Variants in PTPRD observed in about 807,000 individuals in gnomAD.
PTPRD encodes receptor-type tyrosine-protein phosphatase delta.
Under a neutral mutation model 214.5 loss-of-function variants are expected in PTPRD, and 34 were observed. The observed-to-expected ratio is 0.16, with a 90% confidence interval of 0.12 to 0.21. The LOEUF is 0.21. Among genes scored for constraint, PTPRD ranks in the 10% least tolerant of loss-of-function variants. PTPRD has a pLI of 1.00. For missense variants in PTPRD, 2,545 were observed against 2,398.7 expected, an observed-to-expected ratio of 1.06 and a Z score of -1.27; for synonymous variants, 1,128 against 845.7, an observed-to-expected ratio of 1.33 and a Z score of -5.79.
intron 14 of PTPRD, among the ~76,000 whole-genome samples, chr9:8,599,289 T>A (rs2094665547): frequency 6.6e-6 from 1 of 152,126 alleles, no homozygotes; most frequent in Admixed American, 6.5e-5. Context: ...CTCAGGTATG[T>A]CTTTATTAGC....
intron 9 of PTPRD, among the ~76,000 whole-genome samples, chr9:9,215,777 T>C (rs1379177057): frequency 6.6e-6 from 1 of 152,188 alleles, no homozygotes; most frequent in African/African-American, 2.4e-5. Flanking sequence ...TGATTCACTG[T>C]AGAATGATTC....
At chr9:9,898,261 T>C (rs1425465558) in intron 5 of PTPRD, among the ~76,000 whole-genome samples, 2 of 152,068 alleles carry the variant, frequency 1.3e-5, no homozygotes, top group Non-Finnish European at 2.9e-5. Context: ...ATGAAAAAAG[T>C]AACCATTTCA....
chr9:8,327,530 CTGTAGATG>C (rs1345502831), intron 44 of PTPRD, among the ~76,000 whole-genome samples: 3 of 152,234 alleles, frequency 2.0e-5, no homozygotes, highest in Middle Eastern at 6.8e-3. Flanking sequence ...GTGGAGAGTT[CTGTAGATG>C]TGTATTATTA....
chr9:10,530,388 C>A (rs376308198), intron 2 of PTPRD, among the ~76,000 whole-genome samples: 10 of 152,130 alleles, frequency 6.6e-5, no homozygotes, highest in African/African-American at 1.4e-4. Flanking sequence ...AAAGTTTAAA[C>A]CCCATGCAAA....
In PTPRD at chr9:9,205,600, A is replaced by C. The variant is rs534105757; in HGVS notation, c.-202-22237T>G. On this transcript the variant is annotated intron_variant, in intron 9 of 45. Transcript: ENST00000381196. ...TGCATTATCTAAAATGACATTGAGC[A>C]AAGTTTTCTTAGCACTAAGCATACA... Among the ~76,000 whole-genome samples the C allele has an allele frequency of 6.6e-5, 10 of 152,356 alleles. No homozygotes were observed. In the South Asian group the frequency reaches 2.1e-3, roughly 32 times the overall value.
At chr9:8,964,648 T>C (rs1382781539) in intron 11 of PTPRD, among the ~76,000 whole-genome samples, 1 of 152,052 alleles carries the variant, frequency 6.6e-6, no homozygotes, top group Non-Finnish European at 1.5e-5. Flanking sequence ...TGATGCTGAA[T>C]CATTAATTTG....
intron 7 of PTPRD, among the ~76,000 whole-genome samples, chr9:9,580,984 C>T (rs1044071631): frequency 1.3e-5 from 2 of 151,944 alleles, no homozygotes; most frequent in African/African-American, 4.8e-5. Flanking sequence ...GTTGTGTGTT[C>T]CCTGTGTTGA....
At chr9:8,637,108 G>A (rs896225700) in intron 12 of PTPRD, among the ~76,000 whole-genome samples, 6 of 151,988 alleles carry the variant, frequency 3.9e-5, no homozygotes, top group African/African-American at 7.3e-5. Context: ...AATAACATCC[G>A]AAAAGCAACA....
Position 9,994,053 on chromosome 9 carries a change from A to T in PTPRD, c.-472+39665T>A, listed in dbSNP as rs117562738. On this transcript the variant is annotated intron_variant, in intron 4 of 45. Transcript: ENST00000381196. ...GGGGGACAATTTATCCCCATTGTAC[A>T]AATAAGAAAACTGAGATACAGAAAG... is the stretch of plus-strand genomic sequence containing the variant. 2.6e-5 allele frequency among the ~76,000 whole-genome samples: 4 copies of T among 152,274 alleles called. No homozygotes were observed. In the East Asian group the frequency reaches 7.7e-4, roughly 29 times the overall value.
At chr9:10,344,404 C>G (rs2097022418) in intron 2 of PTPRD, among the ~76,000 whole-genome samples, 1 of 151,948 alleles carries the variant, frequency 6.6e-6, no homozygotes, top group Non-Finnish European at 1.5e-5. Context: ...GTTTTGGTAC[C>G]AGCACCATGC....
chr9:9,792,103 T>G (rs966173150), intron 5 of PTPRD, among the ~76,000 whole-genome samples: 1 of 132,078 alleles, frequency 7.6e-6, no homozygotes, highest in Non-Finnish European at 1.6e-5. Flanking sequence ...TGGAGGCCAG[T>G]GAGATTTTCT....
intron 8 of PTPRD, among the ~76,000 whole-genome samples, chr9:9,471,112 G>C (rs565245455): frequency 4.6e-5 from 7 of 152,124 alleles, no homozygotes; most frequent in Non-Finnish European, 8.8e-5. Flanking sequence ...GTTCTTCAGT[G>C]TCTCTGCATT....
chr9:8,872,166 T>A (rs548879626), intron 11 of PTPRD, among the ~76,000 whole-genome samples: 1 of 152,156 alleles, frequency 6.6e-6, no homozygotes, highest in East Asian at 1.9e-4. Flanking sequence ...AATAATTTCC[T>A]CTCCTGGGTC....
At chr9:8,708,954 G>A (rs1334587217) in intron 12 of PTPRD, among the ~76,000 whole-genome samples, 1 of 152,044 alleles carries the variant, frequency 6.6e-6, no homozygotes, top group Non-Finnish European at 1.5e-5. Flanking sequence ...CAACAATATG[G>A]ATGAGTCTGG....
At chr9:9,874,279 T>A (rs1302541064) in intron 5 of PTPRD, among the ~76,000 whole-genome samples, 1 of 152,182 alleles carries the variant, frequency 6.6e-6, no homozygotes, top group Non-Finnish European at 1.5e-5. Flanking sequence ...CTGGCTATTA[T>A]TCATTTTTAA....
At chr9:9,379,937 G>T (rs572283897) in intron 9 of PTPRD, among the ~76,000 whole-genome samples, 1 of 151,916 alleles carries the variant, frequency 6.6e-6, no homozygotes, top group South Asian at 2.1e-4. Context: ...TGATTCTTTT[G>T]TATTTTTGCA....
At chr9:10,266,211 T>A (rs563342598) in intron 3 of PTPRD, among the ~76,000 whole-genome samples, 1 of 152,134 alleles carries the variant, frequency 6.6e-6, no homozygotes, top group South Asian at 2.1e-4. Flanking sequence ...TAAAATGCAT[T>A]ACAGTTGCTA....
At position 9,129,555 on chromosome 9, in the gene PTPRD, T is replaced by A. The variant is rs2099839414; in HGVS notation, c.-143+53749A>T. ...CTTTTAGCTTCTGACAGCTGATACA[T>A]CGTTCAATTAATGACCAGATTTACA... is the stretch of plus-strand genomic sequence containing the variant. On this transcript the variant is annotated intron_variant, in intron 10 of 45. Coordinates refer to ENST00000381196, the MANE Select transcript of PTPRD (RefSeq NM_002839.4). Among the ~76,000 whole-genome samples the A allele has an allele frequency of 2.0e-5, 3 of 152,326 alleles. No homozygotes were observed. The South Asian group carries it at 6.2e-4, about 32-fold the overall frequency.
chr9:8,868,765 C>A (rs970304886), intron 11 of PTPRD, among the ~76,000 whole-genome samples: 1 of 152,014 alleles, frequency 6.6e-6, no homozygotes, highest in Non-Finnish European at 1.5e-5. Context: ...TTTATATATG[C>A]CTGTGGTGCT....
Sources: gnomAD v4.1 joint callset for allele counts (sites outside exome capture counted in the v4.1 genomes callset) on GRCh38, gnomAD v4.1.1 for gene constraint, MANE v1.5 for transcripts, NCBI Gene and HGNC (gene_info 2026-07-23, HGNC 2026-07-21) for gene names.